The following TTPAL variants were observed in gnomAD, a reference collection of about 807,000 sequenced individuals.
The protein encoded by TTPAL is alpha tocopherol transfer protein like.
TTPAL carries 21 observed loss-of-function variants against 28.7 expected under a neutral mutation model. The ratio of observed to expected loss-of-function variants is 0.73; its 90% CI spans 0.52 to 1.06. The LOEUF (loss-of-function observed/expected upper bound fraction) is 1.06, where lower values mean the gene tolerates loss of function less well. Ranked by LOEUF, TTPAL falls within the 50% of genes least tolerant of loss-of-function variation. TTPAL has a pLI of 0.00. For missense variants in TTPAL, 345 were observed against 425.5 expected (o/e 0.81, Z 1.67); for synonymous variants, 169 against 171.9 (o/e 0.98, Z 0.13).
In TTPAL at chr20:44,494,037, CAAAT is replaced by C. The variant is rs2064231704; in HGVS notation, c.*4505_*4508del. 6.6e-6 allele frequency: 1 copy of C among 152,406 alleles called. No homozygotes were observed. The highest frequency in any genetic ancestry group is 2.4e-5 in the African/African-American group (1 of 41,548). The allele number at this position is 152,406 out of a possible 1,614,324, so 9.4% of individuals were successfully genotyped here. A position where few individuals can be genotyped will look rare whatever the true frequency, so the allele number is the denominator to read the frequency against. On this transcript the variant is annotated 3_prime_UTR_variant, in exon 5 of 5. Transcript: ENST00000262605. ...TGGGTGACAAAGCAATATTCTGTGT[CAAAT>C]AAATAAATTCATTCTTCTGCTCTCC...
At chr20:44,477,643 C>T (rs868543545) in intron 1 of TTPAL, among the ~76,000 whole-genome samples, 69 of 149,976 alleles carry the variant, frequency 4.6e-4, no homozygotes, top group African/African-American at 7.7e-4. Context: ...ATCTATCTAT[C>T]TATTTATTTA....
chr20:44,480,491 A>G lies in TTPAL; in HGVS notation c.445+47A>G, dbSNP rs368139551. ...GGGTGTGTGTGTCCAGTCCTTCTGC[A>G]GTGTGTCCATTCAGCACCCTGTCCT... is the stretch of plus-strand genomic sequence containing the variant. On this transcript the variant is annotated intron_variant, in intron 2 of 4. Transcript: ENST00000262605. The surrounding 1 kb of genome is among the most constrained non-coding windows in gnomAD (Gnocchi z 4.1). 4.0e-6 allele frequency: 6 copies of G among 1,514,294 alleles called. No individual in the cohort carries two copies. The highest frequency in any genetic ancestry group is 4.4e-6 in the Non-Finnish European group (5 of 1,126,656). 93.8% of individuals were successfully genotyped at this position (1,514,294 alleles called of 1,614,324 possible).
intron 2 of TTPAL, 21 bp from the exon 3 acceptor site, chr20:44,484,316 G>T (rs369851324): frequency 2.0e-6 from 3 of 1,467,650 alleles, no homozygotes; most frequent in Non-Finnish European, 2.8e-6. Context: ...GTAACATACT[G>T]TCAATCTCTT....
intron 3 of TTPAL, 68 bp downstream of exon 3, chr20:44,484,598 T>C: frequency 7.9e-7 from 1 of 1,262,380 alleles, no homozygotes; most frequent in Non-Finnish European, 1.1e-6. Context: ...GTCCATTTAC[T>C]GTGGGTCTCA....
At position 44,479,973 on chromosome 20, in the gene TTPAL, C is replaced by T. The variant is rs2064086207; in HGVS notation, c.-15-12C>T. The T allele has an allele frequency of 1.2e-6, 2 of 1,603,250 alleles. No homozygotes were observed. The highest frequency in any genetic ancestry group is 8.5e-7 in the Non-Finnish European group (1 of 1,173,622). Reference sequence around the variant, plus strand: ...CACTTGTTAACTTTGCTTAGGGCTTCTCTGTTGGCAGGGACCTTGGTAGCT... The same window carrying T: ...CACTTGTTAACTTTGCTTAGGGCTTTTCTGTTGGCAGGGACCTTGGTAGCT... On this transcript the variant is annotated splice_polypyrimidine_tract_variant and intron_variant, in intron 1 of 4. Coordinates refer to ENST00000262605, the MANE Select transcript of TTPAL (RefSeq NM_001039199.3).
chr20:44,490,410 A>C lies in TTPAL; in HGVS notation c.*869A>C, dbSNP rs1364953388. 4 of 152,300 alleles carry C rather than the reference A, an allele frequency of 2.6e-5. No individual in the cohort carries two copies. The highest frequency in any genetic ancestry group is 5.9e-5 in the Non-Finnish European group (4 of 68,018). The allele number at this position is 152,300 out of a possible 1,614,324, so 9.4% of individuals were successfully genotyped here. ...TCCTCTATAAAATGAGGCTGGATGA[A>C]ATGTCAGCTAGGGCCATTTTGGCTG... On this transcript the variant is annotated 3_prime_UTR_variant, in exon 5 of 5. Coordinates refer to ENST00000262605, the MANE Select transcript of TTPAL (RefSeq NM_001039199.3).
chr20:44,478,006 C>G (rs1048349601), intron 1 of TTPAL, among the ~76,000 whole-genome samples: 1 of 152,206 alleles, frequency 6.6e-6, no homozygotes, highest in Non-Finnish European at 1.5e-5. Flanking sequence ...ATAGTCCCAG[C>G]TACCTGGGAG....
intron 2 of TTPAL, among the ~76,000 whole-genome samples, chr20:44,483,868 C>G (rs1210796788): frequency 6.6e-6 from 1 of 152,120 alleles, no homozygotes; most frequent in African/African-American, 2.4e-5. Context: ...GGCATGATCA[C>G]TGCAGCCTCA....
Position 44,489,281 on chromosome 20 carries a change from G to C in TTPAL, c.769G>C (p.Asp257His). 2 of 1,614,034 alleles carry C rather than the reference G, an allele frequency of 1.2e-6. No individual in the cohort carries two copies. Among genetic ancestry groups the C allele is most frequent in the Non-Finnish European group, 1.7e-6 (2 of 1,179,962 alleles). ...IANRFFLHGS[D>H]LNSLHTNLPR... ...CTTTTAGTTCTTCCTCCATGGGTCT[G>C]ACTTGAACTCTCTCCACACAAACCT... Residue 257 changes from aspartate to histidine, a missense_variant, in exon 5 of 5, where the codon GAC (aspartate) becomes CAC (histidine). By Grantham distance (81) the Asp-to-His change is moderately conservative (BLOSUM62 -1). Coordinates refer to ENST00000262605, the MANE Select transcript of TTPAL (RefSeq NM_001039199.3).
intron 4 of TTPAL, among the ~76,000 whole-genome samples, chr20:44,487,230 CA>C (rs1425928410): frequency 2.0e-5 from 3 of 150,824 alleles, no homozygotes. Flanking sequence ...TGCAGTGAGC[CA>C]AGATCATGCC....
chr20:44,479,014 C>T (rs1422672644), intron 1 of TTPAL, among the ~76,000 whole-genome samples: 3 of 152,204 alleles, frequency 2.0e-5, no homozygotes, highest in Non-Finnish European at 4.4e-5. Flanking sequence ...TGGTCTCGAT[C>T]GCCTGACCTC....
intron 1 of TTPAL, among the ~76,000 whole-genome samples, chr20:44,479,320 A>C (rs1337159254): frequency 1.3e-5 from 2 of 151,994 alleles, no homozygotes; most frequent in Non-Finnish European, 2.9e-5. Flanking sequence ...AATGCCCTCC[A>C]AAGAGGCTGT....
intron 1 of TTPAL, among the ~76,000 whole-genome samples, chr20:44,477,939 G>A (rs935559601): frequency 2.6e-5 from 4 of 152,146 alleles, no homozygotes; most frequent in African/African-American, 9.7e-5. Flanking sequence ...ACAGGCATAA[G>A]CCACCACACA....
At chr20:44,488,276 G>C (rs1220546542) in intron 4 of TTPAL, among the ~76,000 whole-genome samples, 1 of 152,170 alleles carries the variant, frequency 6.6e-6, no homozygotes, top group Non-Finnish European at 1.5e-5. Flanking sequence ...GACTGTATGT[G>C]AACCCATGTG....
chr20:44,476,143 C>T (rs1324559911), intron 1 of TTPAL, among the ~76,000 whole-genome samples, 152 bp downstream of exon 1: 1 of 151,486 alleles, frequency 6.6e-6, no homozygotes, highest in African/African-American at 2.4e-5. Flanking sequence ...GTGGGGGCCT[C>T]GGAAGGTTGT....
rs1294026188 is a variant in TTPAL, at chr20:44,476,551, G to C, written c.-16+560G>C. 2.6e-5 allele frequency among the ~76,000 whole-genome samples: 4 copies of C among 152,240 alleles called. No individual in the cohort carries two copies. The East Asian group carries it at 7.7e-4, about 29-fold the overall frequency. On this transcript the variant is annotated intron_variant, in intron 1 of 4. Transcript: ENST00000262605. ...ACCACTGCCATGTGCCCGGCACTGG[G>C]GGTGGCAGTGGACATGGCAGACAAG...
chr20:44,479,007 T>A (rs144953951), intron 1 of TTPAL, among the ~76,000 whole-genome samples: 10 of 152,236 alleles, frequency 6.6e-5, no homozygotes, highest in Non-Finnish European at 1.5e-4. Flanking sequence ...GCGAGGATGG[T>A]CTCGATCGCC....
In TTPAL at chr20:44,490,257, A is replaced by T. The variant is rs1241547323; in HGVS notation, c.*716A>T. ...AAGCCTTAGCCCTGGTTCTCAATAGAATCAGGGACCTAGCAGGAAATGATT... is the reference window on the plus strand; with the variant it reads ...AAGCCTTAGCCCTGGTTCTCAATAGTATCAGGGACCTAGCAGGAAATGATT... On this transcript the variant is annotated 3_prime_UTR_variant, in exon 5 of 5. Transcript: ENST00000262605. 6.6e-6 allele frequency: 1 copy of T among 152,340 alleles called. No homozygotes were observed. The highest frequency in any genetic ancestry group is 1.9e-4 in the East Asian group (1 of 5,340). The allele number at this position is 152,340 out of a possible 1,614,324, so 9.4% of individuals were successfully genotyped here.
rs185717076 is a variant in TTPAL at position 44,492,655 on chromosome 20, C to A, written c.*3114C>A. 4 of 152,278 alleles carry A rather than the reference C, an allele frequency of 2.6e-5. No individual in the cohort carries two copies. In the East Asian group the frequency reaches 5.6e-4, roughly 22 times the overall value. The allele number at this position is 152,278 out of a possible 1,614,324, so 9.4% of individuals were successfully genotyped here. A position where few individuals can be genotyped will look rare whatever the true frequency, so the allele number is the denominator to read the frequency against. ...TGAATGAATTGGTACCTAAAAGCTT[C>A]CAAATCTATACATTTCAGAATATGG... is the stretch of plus-strand genomic sequence containing the variant. On this transcript the variant is annotated 3_prime_UTR_variant, in exon 5 of 5. Coordinates refer to ENST00000262605, the MANE Select transcript of TTPAL (RefSeq NM_001039199.3).
Sources: allele counts gnomAD v4.1 joint callset (sites outside exome capture counted in the v4.1 genomes callset), GRCh38; gene constraint gnomAD v4.1.1; non-coding constraint Gnocchi (gnomAD v3.1); transcripts MANE v1.5; gene names NCBI Gene and HGNC (gene_info 2026-07-23, HGNC 2026-07-21).